The following CRCP variants were observed in gnomAD, a reference collection of about 807,000 sequenced individuals.
The protein encoded by CRCP is DNA-directed RNA polymerase III subunit RPC9.
A neutral mutation model predicts 18.5 loss-of-function variants in CRCP; 18 were observed. That is an observed-to-expected ratio of 0.97 (90% CI 0.67 to 1.44). CRCP has a LOEUF of 1.44. Ranked by LOEUF, CRCP falls within the 40% of genes most tolerant of loss-of-function variation. The pLI is 0.00. For missense variants in CRCP, 130 were observed against 176.4 expected, an observed-to-expected ratio of 0.74 and a Z score of 1.49; for synonymous variants, 53 against 62.9, an observed-to-expected ratio of 0.84 and a Z score of 0.75.
rs116111149 is a variant in CRCP at position 66,123,024 on chromosome 7, G to A, written c.9-4680G>A. On this transcript the variant is annotated intron_variant, in intron 1 of 5. Transcript: ENST00000395326. ...GGCTGGAGTGCAGTAGCCCCATCTC[G>A]GCACACTGTAAGCTCCGCCTCCCGG... Among the ~76,000 whole-genome samples the A allele has an allele frequency of 3.6e-3, 532 of 148,530 alleles. 6 individuals are homozygous for A. The highest frequency in any genetic ancestry group is 0.013 in the African/African-American group (510 of 40,298).
intron 1 of CRCP, chr7:66,126,603 G>A (rs1263748330): frequency 2.4e-6 from 1 of 424,976 alleles, no homozygotes; most frequent in Non-Finnish European, 4.7e-6. Flanking sequence ...AATTAACTGG[G>A]ATAATATCTT....
intron 1 of CRCP, 70 bp from the exon 2 acceptor site, chr7:66,127,634 C>CT: frequency 6.4e-7 from 1 of 1,555,560 alleles, no homozygotes; most frequent in Non-Finnish European, 8.9e-7. Context: ...GACAGGAATT[C>CT]TTTTACAGAA....
intron 1 of CRCP, among the ~76,000 whole-genome samples, chr7:66,122,833 C>T (rs1431978968): frequency 6.6e-6 from 1 of 152,112 alleles, no homozygotes; most frequent in Non-Finnish European, 1.5e-5. Flanking sequence ...GATATGTTCT[C>T]ACATGGTCTC....
intron 2 of CRCP, among the ~76,000 whole-genome samples, chr7:66,129,799 T>A (rs1787736905): frequency 6.6e-6 from 1 of 152,124 alleles, no homozygotes; most frequent in African/African-American, 2.4e-5. Flanking sequence ...ATGCCACTAT[T>A]TCTGAAAGGA....
At chr7:66,128,961 G>A (rs535257769) in intron 2 of CRCP, among the ~76,000 whole-genome samples, 153 of 152,288 alleles carry the variant, frequency 1.0e-3, no homozygotes, top group African/African-American at 3.5e-3. Context: ...CACTTGGGAA[G>A]GCCAAGGAGA....
chr7:66,127,883 G>C (rs772844545), intron 2 of CRCP, 143 bp downstream of exon 2: 9 of 883,828 alleles, frequency 1.0e-5, no homozygotes, highest in Non-Finnish European at 1.6e-5. Context: ...GGAGGCTGAG[G>C]CTGGATCACT....
chr7:66,145,830 C>T (rs1332045188), intron 5 of CRCP, among the ~76,000 whole-genome samples: 1 of 152,218 alleles, frequency 6.6e-6, no homozygotes, highest in Admixed American at 6.5e-5. Flanking sequence ...TTCAGCATGT[C>T]TCTGGTGAAC....
chr7:66,130,604 A>T lies in CRCP; in HGVS notation c.46-140A>T, dbSNP rs1351802472. On this transcript the variant is annotated intron_variant, in intron 2 of 5. Transcript: ENST00000395326. ...ATGCCTCTGGGACTCATATTTGCTC[A>T]AATCCAAGAGTTGGAAGCTGGGTGA... 36 of 516,830 alleles carry T rather than the reference A, an allele frequency of 7.0e-5. No individual in the cohort carries two copies. The Admixed American group carries it at 1.3e-3, about 18-fold the overall frequency. The allele number at this position is 516,830 out of a possible 1,614,324, so 32.0% of individuals were successfully genotyped here.
intron 5 of CRCP, among the ~76,000 whole-genome samples, chr7:66,145,810 A>C (rs1234799525): frequency 3.9e-5 from 6 of 152,192 alleles, no homozygotes; most frequent in Non-Finnish European, 8.8e-5. Context: ...GTTGCATAAA[A>C]AACATGAAAT....
At chr7:66,116,458 C>T (rs1787265967) in intron 1 of CRCP, among the ~76,000 whole-genome samples, 2 of 149,908 alleles carry the variant, frequency 1.3e-5, no homozygotes, top group South Asian at 2.1e-4. Flanking sequence ...CACTACACTC[C>T]TGCCAGAGTG....
chr7:66,119,864 C>T (rs1787380724), intron 1 of CRCP: 1 of 152,164 alleles, frequency 6.6e-6, no homozygotes, highest in South Asian at 2.1e-4. Flanking sequence ...CTACATAGTA[C>T]ATGTCAGCAA....
chr7:66,142,537 A>C (rs1788170937), intron 4 of CRCP, among the ~76,000 whole-genome samples: 1 of 152,188 alleles, frequency 6.6e-6, no homozygotes, highest in African/African-American at 2.4e-5. Context: ...TCTGTCTCCC[A>C]GACTGGAGTG....
intron 5 of CRCP, among the ~76,000 whole-genome samples, chr7:66,149,208 A>G (rs1223145349): frequency 2.0e-5 from 3 of 152,034 alleles, no homozygotes. Context: ...CTTTATTTGG[A>G]CTGTTTCTCC....
intron 3 of CRCP, among the ~76,000 whole-genome samples, chr7:66,133,007 TGAAG>T (rs1389119105): frequency 6.6e-6 from 1 of 152,064 alleles, no homozygotes. Flanking sequence ...CTTCACCTCT[TGAAG>T]GGAGGGATAT....
intron 1 of CRCP, among the ~76,000 whole-genome samples, chr7:66,116,819 C>T (rs1787278653): frequency 1.3e-5 from 2 of 152,162 alleles, no homozygotes; most frequent in African/African-American, 4.8e-5. Context: ...ACGGGAATGA[C>T]TGTTAAGATT....
At position 66,125,273 on chromosome 7, in the gene CRCP, C is replaced by T. The variant is rs371009091; in HGVS notation, c.9-2431C>T. ...CCATATCCTGTTGCCAACAACCTGTCGTTTAGTGGTGGTTACAGTAACTTC... is the reference window on the plus strand; with the variant it reads ...CCATATCCTGTTGCCAACAACCTGTTGTTTAGTGGTGGTTACAGTAACTTC... On this transcript the variant is annotated intron_variant, in intron 1 of 5. Transcript: ENST00000395326. 3.4e-5 allele frequency among the ~76,000 whole-genome samples: 5 copies of T among 148,942 alleles called. 1 individual carries two copies. Among genetic ancestry groups the T allele is most frequent in the African/African-American group, 7.3e-5 (3 of 41,176 alleles).
intron 1 of CRCP, among the ~76,000 whole-genome samples, chr7:66,122,315 C>T (rs572495901): frequency 2.9e-5 from 4 of 135,726 alleles, no homozygotes; most frequent in South Asian, 2.5e-4. Context: ...GCGGAGTTTG[C>T]GGTGAGCTGA....
Position 66,134,282 on chromosome 7 carries a change from G to A in CRCP, c.147G>A (p.Thr49=), listed in dbSNP as rs766142095. The A allele has an allele frequency of 1.0e-5, 16 of 1,561,794 alleles. No individual in the cohort carries two copies. Among genetic ancestry groups the A allele is most frequent in the African/African-American group, 2.9e-5 (2 of 69,236 alleles). ...TTCTTTTTTTTTTTTTTTGCCAGAC[G>A]TTAAAATACATATCAAAAACACCAT... ...QQNLNTITYE[T]LKYISKTPCR... is the part of the protein sequence containing the mutation. The change falls in exon 4 of 6, where the codon ACG becomes ACA. Residue 49 remains threonine, a splice_region_variant and synonymous_variant. Coordinates refer to ENST00000395326, the MANE Select transcript of CRCP (RefSeq NM_014478.5).
chr7:66,115,852 C>G (rs1787244669), intron 1 of CRCP, among the ~76,000 whole-genome samples: 2 of 152,172 alleles, frequency 1.3e-5, no homozygotes, highest in Admixed American at 1.3e-4. Flanking sequence ...CTCTGTCCCC[C>G]AGGCGGGGTG....
Sources: allele counts gnomAD v4.1 joint callset (sites outside exome capture counted in the v4.1 genomes callset), GRCh38; gene constraint gnomAD v4.1.1; transcripts MANE v1.5; gene names NCBI Gene and HGNC (gene_info 2026-07-23, HGNC 2026-07-21).